PDE12: variants seen among roughly 807,000 people sequenced by gnomAD.
PDE12 encodes 2',5'-phosphodiesterase 12.
Under a neutral mutation model 45.4 loss-of-function variants are expected in PDE12, and 26 were observed. The ratio of observed to expected loss-of-function variants is 0.57; its 90% CI spans 0.42 to 0.79. The LOEUF is 0.79. Ranked by LOEUF, PDE12 falls within the 30% of genes least tolerant of loss-of-function variation. The pLI is 0.00. For synonymous variants in PDE12, 283 were observed against 323.9 expected (o/e 0.87, Z 1.36); for missense variants, 668 against 790.0 (o/e 0.85, Z 1.85).
chr3:57,570,376 C>CT (rs1241352591), downstream of PDE12, among the ~76,000 whole-genome samples: 47,882 of 128,778 alleles, frequency 0.37, 10,518 homozygotes, highest in African/African-American at 0.61. Flanking sequence ...ACACCAGACC[C>CT]TTTTTTTTTT....
chr3:57,620,467 G>A, the PDE12 span, among the ~76,000 whole-genome samples: 1 of 152,014 alleles, frequency 6.6e-6, no homozygotes, highest in African/African-American at 2.4e-5. Context: ...ACATTGCATT[G>A]GGGATTCTAG....
Position 57,556,302 on chromosome 3 carries a change from G to A in PDE12, c.-78G>A. 7.1e-7 allele frequency: 1 copy of A among 1,411,870 alleles called. No homozygotes were observed. Among genetic ancestry groups the A allele is most frequent in the Non-Finnish European group, 9.4e-7 (1 of 1,065,504 alleles). The allele number at this position is 1,411,870 out of a possible 1,614,324, so 87.5% of individuals were successfully genotyped here. On this transcript the variant is annotated 5_prime_UTR_variant, in exon 1 of 3. Transcript: ENST00000311180. This position sits in a 1 kb window ranked among gnomAD's most constrained non-coding sequence, Gnocchi z 5.0. Reference sequence around the variant, plus strand: ...AGATCTGAATGAGTCAAAGCCGGCGGCCTCGGCTCCTCAGCTCCACCTGAC... The same window carrying A: ...AGATCTGAATGAGTCAAAGCCGGCGACCTCGGCTCCTCAGCTCCACCTGAC...
At chr3:57,609,502 A>C in the PDE12 span, among the ~76,000 whole-genome samples, 1 of 152,214 alleles carries the variant, frequency 6.6e-6, no homozygotes, top group Admixed American at 6.5e-5. Flanking sequence ...AAGACTAATA[A>C]GAAGAGAGAG....
At chr3:57,576,010 G>A in the PDE12 span, among the ~76,000 whole-genome samples, 1 of 152,114 alleles carries the variant, frequency 6.6e-6, no homozygotes, top group Non-Finnish European at 1.5e-5. Flanking sequence ...AATGTTTATG[G>A]CAGGTTCTTA....
chr3:57,607,044 G>T, the PDE12 span, among the ~76,000 whole-genome samples: 219 of 152,258 alleles, frequency 1.4e-3, 2 homozygotes, highest in South Asian at 4.4e-3. Flanking sequence ...CCTCTGAGAC[G>T]AAGCTTCCAG....
At chr3:57,598,849 G>C in the PDE12 span, among the ~76,000 whole-genome samples, 1 of 152,088 alleles carries the variant, frequency 6.6e-6, no homozygotes, top group Non-Finnish European at 1.5e-5. Context: ...CTTTGCATTG[G>C]AGATACATGT....
the PDE12 span, among the ~76,000 whole-genome samples, chr3:57,652,278 T>A: frequency 1.3e-5 from 2 of 152,074 alleles, no homozygotes; most frequent in African/African-American, 4.8e-5. Context: ...TTAGCTGCCA[T>A]GTTGTGAGAA....
At chr3:57,635,903 A>G in the PDE12 span, among the ~76,000 whole-genome samples, 3 of 152,098 alleles carry the variant, frequency 2.0e-5, no homozygotes, top group Non-Finnish European at 4.4e-5. Context: ...CAACCTACTC[A>G]GTGTGAAGGC....
At chr3:57,600,349 TTTTC>T in the PDE12 span, among the ~76,000 whole-genome samples, 49,723 of 151,034 alleles carry the variant, frequency 0.33, 8,816 homozygotes, top group East Asian at 0.55. Context: ...TCTCTTTTCT[TTTTC>T]TTTCTTTCCT....
chr3:57,600,366 CTTTT>C, the PDE12 span, among the ~76,000 whole-genome samples: 34 of 149,668 alleles, frequency 2.3e-4, no homozygotes, highest in African/African-American at 8.3e-4. Flanking sequence ...TCTTTCCTTT[CTTTT>C]CTTTCTTTCT....
At position 57,557,472 on chromosome 3, in the gene PDE12, C is replaced by T. The variant is rs930062348; in HGVS notation, c.1093C>T (p.Leu365=). Residue 365 remains leucine, a synonymous_variant, in exon 1 of 3, where the codon CTA becomes TTA. Transcript: ENST00000311180. ...AVFSDSLVPA[L]EAFGLEGVFR... Reference sequence around the variant, plus strand: ...GTTTTCTGACAGCTTGGTACCCGCCCTAGAGGCCTTCGGGCTCGAGGGGGT... The same window carrying T: ...GTTTTCTGACAGCTTGGTACCCGCCTTAGAGGCCTTCGGGCTCGAGGGGGT... 8 of 1,613,934 alleles carry T rather than the reference C, an allele frequency of 5.0e-6. No individual in the cohort carries two copies. The Admixed American group carries it at 6.7e-5, about 13-fold the overall frequency.
At chr3:57,648,930 G>A in the PDE12 span, among the ~76,000 whole-genome samples, 13 of 151,986 alleles carry the variant, frequency 8.6e-5, no homozygotes, top group Admixed American at 2.0e-4. Context: ...GATAACATTG[G>A]AAAAAACCCA....
chr3:57,607,861 C>T, the PDE12 span, among the ~76,000 whole-genome samples: 28 of 152,232 alleles, frequency 1.8e-4, no homozygotes, highest in East Asian at 2.5e-3. Context: ...GGCAGGCCAA[C>T]ATTCAAATTC....
chr3:57,560,855 T>C lies in PDE12; in HGVS notation c.*851T>C, dbSNP rs1355029394. 1.0e-6 allele frequency: 1 copy of C among 985,270 alleles called. No individual in the cohort carries two copies. Among genetic ancestry groups the C allele is most frequent in the African/African-American group, 1.7e-5 (1 of 57,228 alleles). The allele number at this position is 985,270 out of a possible 1,614,324, so 61.0% of individuals were successfully genotyped here. On this transcript the variant is annotated 3_prime_UTR_variant, in exon 3 of 3. Coordinates refer to ENST00000311180, the MANE Select transcript of PDE12 (RefSeq NM_177966.7). ...ACATGGAAGGAGTAACATTAGGGTC[T>C]ACCTCTACCTCAATTTAGTTAGCGA...
At chr3:57,623,255 C>CAACA in the PDE12 span, among the ~76,000 whole-genome samples, 134 of 151,942 alleles carry the variant, frequency 8.8e-4, no homozygotes, top group Non-Finnish European at 1.7e-3. Context: ...TACAAAACAA[C>CAACA]AACAAACAAA....
chr3:57,615,547 G>A, the PDE12 span, among the ~76,000 whole-genome samples: 4 of 152,214 alleles, frequency 2.6e-5, no homozygotes, highest in South Asian at 2.1e-4. Flanking sequence ...TAGGCCAGGC[G>A]TGAGCCAGCA....
At chr3:57,644,167 A>C in the PDE12 span, among the ~76,000 whole-genome samples, 6 of 151,786 alleles carry the variant, frequency 4.0e-5, no homozygotes, top group Non-Finnish European at 7.4e-5. Context: ...AAAAAAAAAA[A>C]CTATCAGTCT....
chr3:57,639,826 G>A, the PDE12 span, among the ~76,000 whole-genome samples: 2 of 151,978 alleles, frequency 1.3e-5, no homozygotes, highest in East Asian at 3.8e-4. Context: ...ACCGAGTCCA[G>A]AATTTGTAAA....
the PDE12 span, chr3:57,572,018 T>A: frequency 2.1e-6 from 1 of 486,554 alleles, no homozygotes. Flanking sequence ...CCAAGGAGAA[T>A]TTCTTTAAAA....
Sources: allele counts gnomAD v4.1 joint callset (sites outside exome capture counted in the v4.1 genomes callset), GRCh38; gene constraint gnomAD v4.1.1; non-coding constraint Gnocchi (gnomAD v3.1); transcripts MANE v1.5; gene names NCBI Gene and HGNC (gene_info 2026-07-23, HGNC 2026-07-21).